ITCH: variants seen among roughly 807,000 people sequenced by gnomAD.
ITCH encodes itchy E3 ubiquitin protein ligase.
In ITCH, 28 loss-of-function variants were observed where a neutral mutation model predicts 126.8. That is an observed-to-expected ratio of 0.22 (90% confidence interval 0.16 to 0.30). ITCH has a LOEUF of 0.30. ITCH is among the 10% of genes least tolerant of loss of function. ITCH has a pLI of 1.00. For missense variants in ITCH, 631 were observed against 1,032.4 expected, an observed-to-expected ratio of 0.61 and a Z score of 5.33; for synonymous variants, 342 against 340.0, an observed-to-expected ratio of 1.01 and a Z score of -0.06.
chr20:34,486,511 A>G (rs1428912959), intron 20 of ITCH, among the ~76,000 whole-genome samples: 1 of 151,496 alleles, frequency 6.6e-6, no homozygotes, highest in Non-Finnish European at 1.5e-5. Context: ...TTTTTAGTAG[A>G]GACGGGGTTT....
chr20:34,432,831 C>T (rs576402966), intron 7 of ITCH, among the ~76,000 whole-genome samples: 1 of 152,158 alleles, frequency 6.6e-6, no homozygotes, highest in African/African-American at 2.4e-5. Context: ...GTAGCCTGCA[C>T]CTGTAGTCCC....
intron 18 of ITCH, among the ~76,000 whole-genome samples, chr20:34,480,122 C>T (rs1312004192): frequency 6.6e-6 from 1 of 152,022 alleles, no homozygotes; most frequent in Non-Finnish European, 1.5e-5. Context: ...TGGTCTTGAA[C>T]TCCTGACCTC....
rs776005015 is a variant in ITCH, at chr20:34,446,826, A to G, written c.1140+1365A>G. On this transcript the variant is annotated intron_variant, in intron 11 of 24. Transcript: ENST00000374864. ...ACATCTGGGTTCGAATCCTGGTTCC[A>G]CAGTTACTTTCTCCATATGACTTTG... Among the ~76,000 whole-genome samples the G allele has an allele frequency of 2.0e-5, 3 of 152,352 alleles. No individual in the cohort carries two copies. The East Asian group carries it at 5.8e-4, about 29-fold the overall frequency.
intron 2 of ITCH, among the ~76,000 whole-genome samples, chr20:34,381,944 G>C (rs982257312): frequency 1.3e-5 from 2 of 151,702 alleles, no homozygotes; most frequent in Non-Finnish European, 2.9e-5. Context: ...AACGTGTTTG[G>C]TGTCATATCT....
At chr20:34,399,291 C>T (rs1456024315) in intron 3 of ITCH, among the ~76,000 whole-genome samples, 1 of 151,806 alleles carries the variant, frequency 6.6e-6, no homozygotes, top group Non-Finnish European at 1.5e-5. Context: ...ACTCGGGGGG[C>T]TGAGGCAGGA....
chr20:34,437,489 T>C (rs1179972196), intron 7 of ITCH, among the ~76,000 whole-genome samples: 2 of 152,198 alleles, frequency 1.3e-5, no homozygotes, highest in Admixed American at 1.3e-4. Context: ...AATTTTTTTG[T>C]ACAGACAGGG....
intron 3 of ITCH, chr20:34,401,749 C>G (rs531851397): frequency 3.8e-6 from 2 of 526,684 alleles, no homozygotes; most frequent in Non-Finnish European, 4.9e-6. Context: ...AAACCTCCCC[C>G]CTAAAAAAGA....
At chr20:34,482,877 G>A (rs1222665103) in intron 20 of ITCH, among the ~76,000 whole-genome samples, 1 of 152,102 alleles carries the variant, frequency 6.6e-6, no homozygotes, top group East Asian at 1.9e-4. Context: ...CTTTTGCCTG[G>A]GCATCTAGGC....
At chr20:34,462,362 T>C in intron 14 of ITCH, 141 bp downstream of exon 14, 1 of 833,306 alleles carries the variant, frequency 1.2e-6, no homozygotes, top group Middle Eastern at 3.2e-4. Flanking sequence ...TTAAGTATTT[T>C]GCATTTCCAT....
chr20:34,402,463 A>T (rs1477650451), intron 3 of ITCH: 7 of 767,830 alleles, frequency 9.1e-6, no homozygotes, highest in Non-Finnish European at 1.7e-5. Flanking sequence ...AGATGGAGAG[A>T]CCACTGAAAA....
chr20:34,374,496 G>A (rs937229671), intron 2 of ITCH, among the ~76,000 whole-genome samples: 40 of 152,158 alleles, frequency 2.6e-4, no homozygotes, highest in Admixed American at 7.2e-4. Flanking sequence ...ACAGTGTGAA[G>A]TGTTAGTCGT....
chr20:34,426,996 A>T (rs1026386821), intron 7 of ITCH, among the ~76,000 whole-genome samples: 4 of 151,828 alleles, frequency 2.6e-5, no homozygotes, highest in South Asian at 4.1e-4. Context: ...CTATGGTCTC[A>T]TTCTTCTGAC....
Position 34,503,697 on chromosome 20 carries a change from A to G in ITCH, c.2417-634A>G, listed in dbSNP as rs540911905. On this transcript the variant is annotated intron_variant, in intron 23 of 24. Transcript: ENST00000374864. ...TATTCCGGCTAAAGAATGCTAGATG[A>G]AACTGCATTTTCTCCTTTGGGACTT... Among the ~76,000 whole-genome samples the G allele has an allele frequency of 2.0e-5, 3 of 152,230 alleles. No homozygotes were observed. In the East Asian group the frequency reaches 5.8e-4, roughly 29 times the overall value.
At chr20:34,506,041 C>T (rs1990599754) in intron 24 of ITCH, among the ~76,000 whole-genome samples, 3 of 152,086 alleles carry the variant, frequency 2.0e-5, no homozygotes, top group South Asian at 4.2e-4. Context: ...TATCATTATG[C>T]AGTCATCACC....
rs1447563271 is a variant in ITCH at position 34,425,315 on chromosome 20, C to A, written c.521+790C>A. Among the ~76,000 whole-genome samples the A allele has an allele frequency of 2.6e-5, 4 of 152,096 alleles. No homozygotes were observed. In the East Asian group the frequency reaches 7.7e-4, roughly 29 times the overall value. On this transcript the variant is annotated intron_variant, in intron 7 of 24. Transcript: ENST00000374864. ...TGCAGAAAGCCGCAGGGACCTCTGC[C>A]CAAGAAAGCCTGGGTATTGTCCAAG...
chr20:34,366,434 C>G (rs1601723136), intron 1 of ITCH, among the ~76,000 whole-genome samples: 1 of 152,152 alleles, frequency 6.6e-6, no homozygotes, highest in African/African-American at 2.4e-5. Context: ...TTACGTTGCC[C>G]AGTCTGGTCT....
chr20:34,509,544 G>A lies in ITCH; in HGVS notation c.*1750G>A, dbSNP rs1434557304. 6.6e-6 allele frequency: 1 copy of A among 152,598 alleles called. No homozygotes were observed. Among genetic ancestry groups the A allele is most frequent in the East Asian group, 1.9e-4 (1 of 5,198 alleles). The allele number at this position is 152,598 out of a possible 1,614,324, so 9.5% of individuals were successfully genotyped here. A position where few individuals can be genotyped will look rare whatever the true frequency, so the allele number is the denominator to read the frequency against. On this transcript the variant is annotated 3_prime_UTR_variant, in exon 25 of 25. Coordinates refer to ENST00000374864, the MANE Select transcript of ITCH (RefSeq NM_031483.7). Reference sequence around the variant, plus strand: ...CATCATAAAGCAGAGACTTACATGAGTGAAAGGGTTGCCTCATCAAGCAGC... The same window carrying A: ...CATCATAAAGCAGAGACTTACATGAATGAAAGGGTTGCCTCATCAAGCAGC...
intron 1 of ITCH, among the ~76,000 whole-genome samples, chr20:34,367,247 G>C (rs985079954): frequency 2.0e-5 from 3 of 152,000 alleles, no homozygotes; most frequent in Admixed American, 2.0e-4. Flanking sequence ...ATGTGATCTC[G>C]GCTCACTGCA....
chr20:34,400,646 C>CTTTTTTTTT (rs760416482), intron 3 of ITCH, among the ~76,000 whole-genome samples: 3 of 120,016 alleles, frequency 2.5e-5, no homozygotes, highest in East Asian at 2.4e-4. Flanking sequence ...AAAAATTTTT[C>CTTTTTTTTT]TTTTTTTTTT....
Sources: gnomAD v4.1 joint callset for allele counts (sites outside exome capture counted in the v4.1 genomes callset) on GRCh38, gnomAD v4.1.1 for gene constraint, MANE v1.5 for transcripts, NCBI Gene and HGNC (gene_info 2026-07-23, HGNC 2026-07-21) for gene names.